Variants in ERBB4 observed in about 807,000 individuals in gnomAD.
ERBB4 encodes the protein erb-b2 receptor tyrosine kinase 4, also known as receptor tyrosine-protein kinase erbB-4.
ERBB4 carries 42 observed loss-of-function variants against 158.0 expected under a neutral mutation model. That is an observed-to-expected ratio of 0.27 (90% CI 0.21 to 0.34). The LOEUF (loss-of-function observed/expected upper bound fraction) is 0.34, where lower values mean the gene tolerates loss of function less well. ERBB4 is among the 10% of genes least tolerant of loss of function. The pLI is 1.00. For missense variants in ERBB4, 1,333 were observed against 1,624.1 expected (o/e 0.82, Z 3.08); for synonymous variants, 583 against 558.7 (o/e 1.04, Z -0.61).
At chr2:211,809,473 G>T (rs1559537452) in intron 3 of ERBB4, among the ~76,000 whole-genome samples, 1 of 152,192 alleles carries the variant, frequency 6.6e-6, no homozygotes, top group Non-Finnish European at 1.5e-5. Context: ...CAGTTTATTT[G>T]CATAGAGGTG....
chr2:212,479,424 C>G (rs1310449738), intron 1 of ERBB4, among the ~76,000 whole-genome samples: 1 of 151,986 alleles, frequency 6.6e-6, no homozygotes, highest in African/African-American at 2.4e-5. Context: ...CCTTGTACCC[C>G]CAAGAGGACT....
At chr2:212,300,274 GCTTT>G (rs2086569988) in intron 1 of ERBB4, among the ~76,000 whole-genome samples, 1 of 151,534 alleles carries the variant, frequency 6.6e-6, no homozygotes, top group Admixed American at 6.6e-5. Flanking sequence ...TGCACACTAT[GCTTT>G]CTTTCATTTT....
intron 12 of ERBB4, among the ~76,000 whole-genome samples, chr2:211,683,148 G>T (rs1004986509): frequency 6.6e-6 from 1 of 151,710 alleles, no homozygotes; most frequent in Non-Finnish European, 1.5e-5. Flanking sequence ...ATGTGTAGTT[G>T]TAAGTAATGA....
intron 25 of ERBB4, 51 bp from the exon 26 acceptor site, chr2:211,388,043 T>A: frequency 7.5e-7 from 1 of 1,333,778 alleles, no homozygotes; most frequent in Admixed American, 1.8e-5. Context: ...GCAATATGAA[T>A]GAAAAAATTA....
chr2:211,422,298 T>G (rs543647877), intron 23 of ERBB4, among the ~76,000 whole-genome samples, 194 bp from the exon 24 acceptor site: 71 of 152,056 alleles, frequency 4.7e-4, no homozygotes, highest in African/African-American at 1.7e-3. Flanking sequence ...TATTCATAAC[T>G]AAATGTAATG....
At chr2:211,952,377 G>A (rs902766703) in intron 2 of ERBB4, among the ~76,000 whole-genome samples, 1 of 151,974 alleles carries the variant, frequency 6.6e-6, no homozygotes, top group Non-Finnish European at 1.5e-5. Flanking sequence ...AGATGATATT[G>A]GCAGATCTGG....
At chr2:212,228,659 T>G (rs571569604) in intron 1 of ERBB4, among the ~76,000 whole-genome samples, 1 of 151,814 alleles carries the variant, frequency 6.6e-6, no homozygotes, top group Non-Finnish European at 1.5e-5. Context: ...AAAAAATATA[T>G]AAACAAAAAA....
intron 2 of ERBB4, among the ~76,000 whole-genome samples, chr2:212,006,597 C>G (rs1300984274): frequency 1.3e-5 from 2 of 148,572 alleles, no homozygotes; most frequent in African/African-American, 4.9e-5. Context: ...ATTTTTAATT[C>G]TAAAACCCAA....
At position 212,060,879 on chromosome 2, in the gene ERBB4, C is replaced by T. The variant is rs192682508; in HGVS notation, c.234+63873G>A. 2.5e-4 allele frequency among the ~76,000 whole-genome samples: 38 copies of T among 150,856 alleles called. No homozygotes were observed. In the East Asian group the frequency reaches 6.6e-3, roughly 26 times the overall value. On this transcript the variant is annotated intron_variant, in intron 2 of 27. Coordinates refer to ENST00000342788, the MANE Select transcript of ERBB4 (RefSeq NM_005235.3). The stretch of plus-strand genomic sequence containing the variant: ...AATGTAAATGAGGAGTTAAAGAGTG[C>T]AGCACACCAACATGGCGCCTGTATA...
chr2:211,813,271 G>T (rs1426209296), intron 3 of ERBB4, among the ~76,000 whole-genome samples: 2 of 152,222 alleles, frequency 1.3e-5, no homozygotes, highest in African/African-American at 2.4e-5. Flanking sequence ...TTCAGCAATG[G>T]TCGTGTATAA....
intron 21 of ERBB4, among the ~76,000 whole-genome samples, chr2:211,430,533 G>A (rs2063725644): frequency 6.6e-6 from 1 of 152,086 alleles, no homozygotes; most frequent in Non-Finnish European, 1.5e-5. Flanking sequence ...TCTAATCTAT[G>A]AGAGAGAATC....
chr2:212,053,082 C>T (rs1406406697), intron 2 of ERBB4, among the ~76,000 whole-genome samples: 1 of 151,990 alleles, frequency 6.6e-6, no homozygotes, highest in Non-Finnish European at 1.5e-5. Flanking sequence ...CATTGAGAGG[C>T]CAAAACAGGA....
chr2:212,373,997 C>CAT lies in ERBB4; in HGVS notation c.82+164450_82+164451dup, dbSNP rs369049243. Among the ~76,000 whole-genome samples the CAT allele has an allele frequency of 1.1e-4, 10 of 88,220 alleles. 1 individual carries two copies. In the South Asian group the frequency reaches 1.7e-3, roughly 15 times the overall value. 57.9% of individuals were successfully genotyped at this position (88,220 alleles called of 152,430 possible). ...CCATATATATATATCCATATATATCCATATATATATATCCATATATATCCA... is the reference window on the plus strand; with the variant it reads ...CCATATATATATATCCATATATATCCATATATATATATATCCATATATATCCA... On this transcript the variant is annotated intron_variant, in intron 1 of 27. Coordinates refer to ENST00000342788, the MANE Select transcript of ERBB4 (RefSeq NM_005235.3).
chr2:212,102,585 A>G (rs1575635383), intron 2 of ERBB4, among the ~76,000 whole-genome samples: 3 of 152,174 alleles, frequency 2.0e-5, no homozygotes, highest in African/African-American at 4.8e-5. Context: ...AACAATAGAC[A>G]TGGATAACCA....
At chr2:212,404,359 A>T (rs892611399) in intron 1 of ERBB4, among the ~76,000 whole-genome samples, 2 of 152,110 alleles carry the variant, frequency 1.3e-5, no homozygotes, top group East Asian at 3.9e-4. Context: ...GGCAGAAGTA[A>T]TCACTCTTCC....
chr2:211,614,540 T>C (rs892201936), intron 19 of ERBB4, among the ~76,000 whole-genome samples: 14 of 151,982 alleles, frequency 9.2e-5, no homozygotes, highest in African/African-American at 2.9e-4. Flanking sequence ...CATAAATATA[T>C]ACACCTGCTC....
intron 5 of ERBB4, among the ~76,000 whole-genome samples, chr2:211,735,265 C>T (rs2074568159): frequency 6.6e-6 from 1 of 151,844 alleles, no homozygotes; most frequent in African/African-American, 2.4e-5. Flanking sequence ...TTTGGCAGAG[C>T]AAGTTAATTA....
rs562230949 is a variant in ERBB4 at position 212,274,568 on chromosome 2, A to G, written c.83-149665T>C. Among the ~76,000 whole-genome samples, 6 of 151,952 alleles carry G rather than the reference A, an allele frequency of 3.9e-5. No homozygotes were observed. The South Asian group carries it at 1.0e-3, about 26-fold the overall frequency. Reference sequence around the variant, plus strand: ...TATGTAATGCAGTTAATTTTATGCAATTATGATCTAATATGGCACCTTAAC... The same window carrying G: ...TATGTAATGCAGTTAATTTTATGCAGTTATGATCTAATATGGCACCTTAAC... On this transcript the variant is annotated intron_variant, in intron 1 of 27. Coordinates refer to ENST00000342788, the MANE Select transcript of ERBB4 (RefSeq NM_005235.3).
At chr2:211,879,974 A>T (rs1312538462) in intron 3 of ERBB4, among the ~76,000 whole-genome samples, 1 of 150,576 alleles carries the variant, frequency 6.6e-6, no homozygotes, top group African/African-American at 2.4e-5. Context: ...ATATATTATT[A>T]ATATATATTA....
Sources: gnomAD v4.1 joint callset for allele counts (sites outside exome capture counted in the v4.1 genomes callset) on GRCh38, gnomAD v4.1.1 for gene constraint, MANE v1.5 for transcripts, NCBI Gene and HGNC (gene_info 2026-07-23, HGNC 2026-07-21) for gene names.